The following PRELID2 variants were observed in gnomAD, a reference collection of about 807,000 sequenced individuals.
The protein encoded by PRELID2 is PRELI domain containing 2, also known as PRELI domain-containing protein 2.
PRELID2 carries 25 observed loss-of-function variants against 28.4 expected under a neutral mutation model. The ratio of observed to expected loss-of-function variants is 0.88; its 90% CI spans 0.64 to 1.23. The LOEUF is 1.23. Among genes scored for constraint, PRELID2 ranks in the 50% most tolerant of loss-of-function variants. The pLI is 0.00. For missense variants in PRELID2, 201 were observed against 214.4 expected (o/e 0.94, Z 0.39); for synonymous variants, 76 against 71.6 (o/e 1.06, Z -0.31).
In PRELID2 at chr5:145,751,020, A is replaced by G. The variant is rs137878169; in HGVS notation, n.70+13911T>C. On this transcript the variant is annotated intron_variant and non_coding_transcript_variant, in intron 1 of 2. Coordinates refer to the PRELID2 transcript ENST00000510259. ...TCTGAACTGCCTCCATTTAGGAAAA[A>G]CTGGTATGTTACAAGCATTATATTG... 1.3e-3 allele frequency among the ~76,000 whole-genome samples: 205 copies of G among 152,296 alleles called. 1 individual carries two copies. The highest frequency in any genetic ancestry group is 4.6e-3 in the African/African-American group (191 of 41,562).
At chr5:145,673,230 C>A (rs1023888656) in intron 1 of PRELID2, among the ~76,000 whole-genome samples, 2 of 152,136 alleles carry the variant, frequency 1.3e-5, no homozygotes, top group Admixed American at 1.3e-4. Flanking sequence ...TGGCTACACT[C>A]CAGCACCTCA....
At chr5:145,399,411 G>A in the PRELID2 span, among the ~76,000 whole-genome samples, 1 of 152,038 alleles carries the variant, frequency 6.6e-6, no homozygotes, top group Admixed American at 6.6e-5. Flanking sequence ...TCTATATCCT[G>A]CTAAAACAAT....
intron 1 of PRELID2, among the ~76,000 whole-genome samples, chr5:145,732,900 A>T (rs1756385799): frequency 6.6e-6 from 1 of 152,150 alleles, no homozygotes; most frequent in South Asian, 2.1e-4. Flanking sequence ...ACAGTGGACC[A>T]AGAATTGAAG....
chr5:145,668,773 T>C (rs998010608), intron 1 of PRELID2, among the ~76,000 whole-genome samples: 14 of 152,110 alleles, frequency 9.2e-5, no homozygotes, highest in African/African-American at 3.4e-4. Context: ...TTGGTTTCAA[T>C]ACTTTCATCT....
chr5:145,358,211 C>G, the PRELID2 span, among the ~76,000 whole-genome samples: 1 of 152,072 alleles, frequency 6.6e-6, no homozygotes, highest in Non-Finnish European at 1.5e-5. Context: ...CAGGCAGAGG[C>G]AGAACCACTG....
At chr5:145,410,245 G>A in the PRELID2 span, among the ~76,000 whole-genome samples, 2 of 152,122 alleles carry the variant, frequency 1.3e-5, no homozygotes, top group South Asian at 4.1e-4. Context: ...CTAGATATTG[G>A]CTTAGGCAAA....
intron 1 of PRELID2, among the ~76,000 whole-genome samples, chr5:145,735,138 G>C (rs910035830): frequency 6.6e-6 from 1 of 151,730 alleles, no homozygotes; most frequent in African/African-American, 2.4e-5. Context: ...CCACCTATTC[G>C]GGAGGCTGAA....
At chr5:145,280,973 C>T in the PRELID2 span, among the ~76,000 whole-genome samples, 82 of 152,078 alleles carry the variant, frequency 5.4e-4, no homozygotes, top group African/African-American at 1.8e-3. Flanking sequence ...GAGGTATTTA[C>T]CTTTAGGAAC....
the PRELID2 span, among the ~76,000 whole-genome samples, chr5:145,290,121 GA>G: frequency 6.6e-6 from 1 of 152,142 alleles, no homozygotes; most frequent in Non-Finnish European, 1.5e-5. Context: ...AGAGGATGTG[GA>G]GAAATAGGAA....
rs1328695707 is a variant in PRELID2, at chr5:145,600,451, A to ATATATATATATATATG, written n.71-127137_71-127136insCATATATATATATATA. Among the ~76,000 whole-genome samples, 145 of 138,318 alleles carry ATATATATATATATATG rather than the reference A, an allele frequency of 1.0e-3. 7 individuals carry two copies. The highest frequency in any genetic ancestry group is 3.9e-3 in the African/African-American group (127 of 32,426). The allele number at this position is 138,318 out of a possible 152,430, so 90.7% of individuals were successfully genotyped here. Reference sequence around the variant, plus strand: ...AAAAAAAAAATATATATATATATATATATGTATCTCACAGGTGTGATGGGG... The same window carrying ATATATATATATATATG: ...AAAAAAAAAATATATATATATATATATATATATATATATATGTATGTATCTCACAGGTGTGATGGGG... On this transcript the variant is annotated intron_variant and non_coding_transcript_variant, in intron 1 of 2. Transcript: ENST00000510259.
intron 1 of PRELID2, among the ~76,000 whole-genome samples, chr5:145,557,038 T>C (rs896747861): frequency 6.6e-6 from 1 of 152,212 alleles, no homozygotes; most frequent in East Asian, 1.9e-4. Context: ...AGTTGTGTGA[T>C]AATCTAATCA....
At chr5:145,335,236 C>T in the PRELID2 span, among the ~76,000 whole-genome samples, 5 of 151,856 alleles carry the variant, frequency 3.3e-5, no homozygotes, top group East Asian at 9.7e-4. Context: ...CTTTCTTCTG[C>T]TTGAGTCTGA....
At chr5:145,585,785 A>G (rs1250404300) in intron 1 of PRELID2, among the ~76,000 whole-genome samples, 2 of 152,106 alleles carry the variant, frequency 1.3e-5, no homozygotes, top group Non-Finnish European at 2.9e-5. Context: ...ATTCTAGTAT[A>G]CTTTCTTCAG....
intron 5 of PRELID2, among the ~76,000 whole-genome samples, chr5:145,787,642 C>T (rs996950244): frequency 4.0e-5 from 6 of 151,874 alleles, no homozygotes; most frequent in Non-Finnish European, 7.4e-5. Flanking sequence ...CCAGCTCAAG[C>T]AATCCTCCCA....
At chr5:145,303,568 A>G in the PRELID2 span, among the ~76,000 whole-genome samples, 1 of 152,012 alleles carries the variant, frequency 6.6e-6, no homozygotes, top group Non-Finnish European at 1.5e-5. Context: ...TAGGAAGAGC[A>G]ACATAGAAAT....
At chr5:145,245,480 G>A in the PRELID2 span, among the ~76,000 whole-genome samples, 2 of 152,038 alleles carry the variant, frequency 1.3e-5, no homozygotes, top group Non-Finnish European at 2.9e-5. Context: ...TTTGCTGTGA[G>A]AACTTTGACG....
intron 5 of PRELID2, among the ~76,000 whole-genome samples, chr5:145,765,711 A>T (rs546798608): frequency 1.3e-5 from 2 of 152,288 alleles, no homozygotes; most frequent in South Asian, 4.1e-4. Flanking sequence ...GTACCCCATG[A>T]CAAGAGTTGT....
At chr5:145,654,652 T>G (rs1023371261) in intron 1 of PRELID2, among the ~76,000 whole-genome samples, 8 of 152,154 alleles carry the variant, frequency 5.3e-5, no homozygotes, top group Non-Finnish European at 1.2e-4. Context: ...AAAAACCACA[T>G]GATTATCTCA....
intron 1 of PRELID2, among the ~76,000 whole-genome samples, chr5:145,640,172 C>A (rs1339407606): frequency 6.6e-6 from 1 of 152,106 alleles, no homozygotes; most frequent in Admixed American, 6.5e-5. Context: ...GAAACCCCGT[C>A]TGTACTGAAA....
Sources: allele counts gnomAD v4.1 joint callset (sites outside exome capture counted in the v4.1 genomes callset), GRCh38; gene constraint gnomAD v4.1.1; transcripts MANE v1.5; gene names NCBI Gene and HGNC (gene_info 2026-07-23, HGNC 2026-07-21).